TIAM1: variants seen among roughly 807,000 people sequenced by gnomAD.
The protein encoded by TIAM1 is TIAM Rac1 associated GEF 1.
In TIAM1, 65 loss-of-function variants were observed where a neutral mutation model predicts 163.5. That is an observed-to-expected ratio of 0.40 (90% CI 0.33 to 0.49). The LOEUF is 0.49. TIAM1 is among the 20% of genes least tolerant of loss of function. The pLI is 0.77. For synonymous variants in TIAM1, 833 were observed against 810.1 expected (o/e 1.03, Z -0.48); for missense variants, 1,789 against 2,044.7 (o/e 0.87, Z 2.41).
In TIAM1 at chr21:31,120,768, G is replaced by A; in HGVS notation, c.4376C>T (p.Ser1459Phe). ...RLARNRFTID[S>F]DAVSASSPEK... Reference sequence around the variant, plus strand: ...CGGGCTGCTTGCGGAGACGGCATCAGAATCAATGGTAAACCTGTTTCGAGC... The same window carrying A: ...CGGGCTGCTTGCGGAGACGGCATCAAAATCAATGGTAAACCTGTTTCGAGC... The change falls in exon 28 of 28, where the codon TCT becomes TTT. Residue 1459 changes from serine (S) to phenylalanine (F), a missense_variant. Physicochemically the swap from Ser to Phe is radical, Grantham distance 155. Coordinates refer to ENST00000541036, the MANE Select transcript of TIAM1 (RefSeq NM_001353694.2). This position sits in a 1 kb window ranked among gnomAD's most constrained non-coding sequence, Gnocchi z 4.2. 1 of 1,614,040 alleles carries A rather than the reference G, an allele frequency of 6.2e-7. No homozygotes were observed. Among genetic ancestry groups the A allele is most frequent in the South Asian group, 1.1e-5 (1 of 91,078 alleles).
At chr21:31,134,189 A>G (rs2082528142) in intron 23 of TIAM1, among the ~76,000 whole-genome samples, 2 of 152,230 alleles carry the variant, frequency 1.3e-5, no homozygotes, top group Non-Finnish European at 2.9e-5. Context: ...GAATCTGTAA[A>G]ACTGAGGGCA....
chr21:31,256,953 G>A (rs79495738), intron 4 of TIAM1, among the ~76,000 whole-genome samples: 5 of 152,258 alleles, frequency 3.3e-5, no homozygotes, highest in Non-Finnish European at 5.9e-5. Flanking sequence ...GGCATTGCCT[G>A]AACTCAGTTG....
chr21:31,522,455 A>G (rs2047633069), intron 1 of TIAM1, among the ~76,000 whole-genome samples: 1 of 151,652 alleles, frequency 6.6e-6, no homozygotes, highest in Admixed American at 6.6e-5. Context: ...GGTTGCGGTG[A>G]GCCGAGATCG....
At chr21:31,446,423 C>T (rs974873048) in intron 2 of TIAM1, among the ~76,000 whole-genome samples, 1 of 152,162 alleles carries the variant, frequency 6.6e-6, no homozygotes, top group Non-Finnish European at 1.5e-5. Flanking sequence ...TTCCATCTGT[C>T]TCATGCTAAG....
At chr21:31,262,662 A>G (rs929600040) in intron 4 of TIAM1, among the ~76,000 whole-genome samples, 10 of 152,226 alleles carry the variant, frequency 6.6e-5, no homozygotes, top group Admixed American at 6.5e-4. Context: ...AACTACTGAA[A>G]AAATCCAAAA....
At chr21:31,493,240 G>A (rs77194455) in intron 1 of TIAM1, among the ~76,000 whole-genome samples, 9,093 of 152,248 alleles carry the variant, frequency 0.06, 501 homozygotes, top group Admixed American at 0.16. Context: ...AAAGCATGAA[G>A]GAAGATGAAT....
At position 31,266,611 on chromosome 21, in the gene TIAM1, G is replaced by C; in HGVS notation, c.362C>G (p.Ala121Gly). The C allele has an allele frequency of 6.2e-7, 1 of 1,614,178 alleles. No individual in the cohort carries two copies. Among genetic ancestry groups the C allele is most frequent in the Non-Finnish European group, 8.5e-7 (1 of 1,180,040 alleles). The change falls in exon 4 of 28, where the codon GCC becomes GGC. Residue 121 changes from alanine (A) to glycine (G), a missense_variant. Ala to Gly is a moderately conservative substitution (Grantham distance 60). Transcript: ENST00000541036. ...AGTGTCTGGCATGCTCTGCACAGAG[G>C]CTGCTGTGAGGACGATGCTGCTGTC... The part of the protein sequence containing the change: ...SVDSSIVLTA[A>G]SVQSMPDTEE...
intron 2 of TIAM1, among the ~76,000 whole-genome samples, chr21:31,422,929 T>C (rs1278311990): frequency 6.6e-6 from 1 of 152,004 alleles, no homozygotes; most frequent in African/African-American, 2.4e-5. Context: ...GCCTGCAGCA[T>C]AGACAGCTGT....
rs139931546 is a variant in TIAM1, at chr21:31,462,383, G to C, written c.-369+1600C>G. ...AGATACACTTAAGACACTCCTGAAA[G>C]AACACAGTAGGAATAAGCAAAGAGA... On this transcript the variant is annotated intron_variant, in intron 2 of 28. Transcript: ENST00000286827. Among the ~76,000 whole-genome samples, 13 of 152,304 alleles carry C rather than the reference G, an allele frequency of 8.5e-5. No individual in the cohort carries two copies. In the East Asian group the frequency reaches 2.5e-3, roughly 29 times the overall value.
chr21:31,224,704 A>G (rs1432440706), intron 7 of TIAM1, among the ~76,000 whole-genome samples: 1 of 152,200 alleles, frequency 6.6e-6, no homozygotes, highest in Admixed American at 6.5e-5. Context: ...TTGATTTTAC[A>G]TTGTGTGAAT....
Position 31,447,812 on chromosome 21 carries a change from C to A in TIAM1, c.-369+16171G>T, listed in dbSNP as rs1033215167. Among the ~76,000 whole-genome samples the A allele has an allele frequency of 4.6e-5, 7 of 152,260 alleles. No homozygotes were observed. The East Asian group carries it at 9.7e-4, about 21-fold the overall frequency. On this transcript the variant is annotated intron_variant, in intron 2 of 28. Coordinates refer to the TIAM1 transcript ENST00000286827. ...ATATGCACAACACACATGTATATAT[C>A]TGCATGAAGAGATTTATTATAAGGA...
chr21:31,364,032 C>T (rs1225808306), intron 2 of TIAM1, among the ~76,000 whole-genome samples: 2 of 152,232 alleles, frequency 1.3e-5, no homozygotes, highest in Admixed American at 1.3e-4. Context: ...CTACCCAACA[C>T]ACAGGCCTGC....
At chr21:31,458,952 A>G (rs2147344018) in intron 2 of TIAM1, among the ~76,000 whole-genome samples, 1 of 152,342 alleles carries the variant, frequency 6.6e-6, no homozygotes, top group South Asian at 2.1e-4. Flanking sequence ...GTCCCAGAAG[A>G]AAGGCCTCTG....
chr21:31,279,237 C>G (rs181194135), intron 2 of TIAM1, among the ~76,000 whole-genome samples: 2 of 151,972 alleles, frequency 1.3e-5, no homozygotes, highest in Non-Finnish European at 2.9e-5. Context: ...TTCTGACTTT[C>G]GTGGGGAAAA....
At chr21:31,424,259 A>C (rs1018162590) in intron 2 of TIAM1, among the ~76,000 whole-genome samples, 48 of 152,226 alleles carry the variant, frequency 3.2e-4, no homozygotes, top group Non-Finnish European at 6.2e-4. Flanking sequence ...TCATTTCTAA[A>C]GAAATAAAAA....
intron 2 of TIAM1, among the ~76,000 whole-genome samples, chr21:31,314,491 A>G (rs1475963257): frequency 6.6e-6 from 1 of 152,218 alleles, no homozygotes; most frequent in Non-Finnish European, 1.5e-5. Context: ...CCACTGCCCT[A>G]AATATATAGT....
At chr21:31,467,271 G>A (rs983737871) in intron 1 of TIAM1, among the ~76,000 whole-genome samples, 2 of 152,188 alleles carry the variant, frequency 1.3e-5, no homozygotes, top group African/African-American at 2.4e-5. Flanking sequence ...GTTCCAGGCT[G>A]CAATGAACTA....
chr21:31,412,837 G>A (rs113951267), intron 2 of TIAM1, among the ~76,000 whole-genome samples: 7 of 146,294 alleles, frequency 4.8e-5, no homozygotes, highest in East Asian at 4.1e-4. Context: ...TCCCTCGCTC[G>A]CATGTGCAGT....
chr21:31,549,893 G>A (rs2048624910), intron 1 of TIAM1, among the ~76,000 whole-genome samples: 1 of 152,192 alleles, frequency 6.6e-6, no homozygotes, highest in African/African-American at 2.4e-5. Flanking sequence ...GGAGGCCAAG[G>A]CAGGCAGGTG....
Sources: gnomAD v4.1 joint callset for allele counts (sites outside exome capture counted in the v4.1 genomes callset) on GRCh38, gnomAD v4.1.1 for gene constraint, Gnocchi (gnomAD v3.1) non-coding constraint, MANE v1.5 for transcripts, NCBI Gene and HGNC (gene_info 2026-07-23, HGNC 2026-07-21) for gene names.